Variants in ASAP1 observed in about 807,000 individuals in gnomAD.
ASAP1 encodes the protein ArfGAP with SH3 domain, ankyrin repeat and PH domain 1, also known as arf-GAP with SH3 domain, ANK repeat and PH domain-containing protein 1.
In ASAP1, 43 loss-of-function variants were observed where a neutral mutation model predicts 145.2. That is an observed-to-expected ratio of 0.30 (90% CI 0.23 to 0.38). The LOEUF (loss-of-function observed/expected upper bound fraction) is 0.38, where lower values mean the gene tolerates loss of function less well. Ranked by LOEUF, ASAP1 falls within the 10% of genes least tolerant of loss-of-function variation. The probability of loss-of-function intolerance (pLI) is 1.00; values close to 1 mark genes in which losing one functional copy is unlikely to be tolerated. For missense variants in ASAP1, 1,018 were observed against 1,355.3 expected (o/e 0.75, Z 3.91); for synonymous variants, 546 against 515.5 (o/e 1.06, Z -0.80).
At chr8:130,306,379 GCTC>G (rs1481940921) in intron 3 of ASAP1, among the ~76,000 whole-genome samples, 2 of 152,094 alleles carry the variant, frequency 1.3e-5, no homozygotes, top group Admixed American at 1.3e-4. Flanking sequence ...TGGATTAATA[GCTC>G]CTTTTTAAAT....
intron 2 of ASAP1, among the ~76,000 whole-genome samples, chr8:130,399,846 C>T (rs1177586101): frequency 8.8e-6 from 1 of 114,156 alleles, no homozygotes; most frequent in African/African-American, 3.9e-5. Context: ...GACAGAGTTT[C>T]GCTCTTGTTG....
intron 15 of ASAP1, among the ~76,000 whole-genome samples, chr8:130,133,343 CT>C (rs1445318523): frequency 6.6e-6 from 1 of 152,204 alleles, no homozygotes; most frequent in African/African-American, 2.4e-5. Flanking sequence ...GGTTGCATAC[CT>C]GGTCAGGTGA....
intron 15 of ASAP1, among the ~76,000 whole-genome samples, chr8:130,130,448 T>A (rs1311602936): frequency 6.6e-6 from 1 of 152,194 alleles, no homozygotes; most frequent in Non-Finnish European, 1.5e-5. Context: ...AAGGATAATT[T>A]TCTAGAGAAA....
At chr8:130,333,664 T>C (rs1230478292) in intron 3 of ASAP1, among the ~76,000 whole-genome samples, 3 of 152,198 alleles carry the variant, frequency 2.0e-5, no homozygotes, top group African/African-American at 7.2e-5. Context: ...TTTTTTAAAG[T>C]ATGGCAGGGC....
rs537482479 is a variant in ASAP1, at chr8:130,275,975, G to A, written c.187-38981C>T. 4.6e-5 allele frequency among the ~76,000 whole-genome samples: 7 copies of A among 152,200 alleles called. No individual in the cohort carries two copies. The East Asian group carries it at 9.6e-4, about 21-fold the overall frequency. On this transcript the variant is annotated intron_variant, in intron 3 of 29. Transcript: ENST00000518721. ...CTGATAATGACCGGACTTCATCAGCGGCTCCAAGAACAGATTCTATGACAG... is the reference window on the plus strand; with the variant it reads ...CTGATAATGACCGGACTTCATCAGCAGCTCCAAGAACAGATTCTATGACAG...
intron 15 of ASAP1, among the ~76,000 whole-genome samples, chr8:130,129,018 C>T (rs2097579341): frequency 6.6e-6 from 1 of 152,166 alleles, no homozygotes; most frequent in African/African-American, 2.4e-5. Flanking sequence ...GTGATTGGAT[C>T]AAGGTGGCGG....
intron 5 of ASAP1, among the ~76,000 whole-genome samples, chr8:130,214,048 G>T (rs142026769): frequency 2.0e-4 from 30 of 152,272 alleles, no homozygotes; most frequent in African/African-American, 7.2e-4. Flanking sequence ...TTCTTGGTTG[G>T]GGGTTAAAAG....
At position 130,115,618 on chromosome 8, in the gene ASAP1, T is replaced by A. The variant is rs2097554380; in HGVS notation, c.2172+10A>T. The A allele has an allele frequency of 3.1e-6, 5 of 1,602,978 alleles. No individual in the cohort carries two copies. The highest frequency in any genetic ancestry group is 1.3e-5 in the African/African-American group (1 of 74,670). ...GTTGTTGAGAATTCGAGGACATAATTTACACTCACTTTGTCATCCAGATCA... is the reference window on the plus strand; with the variant it reads ...GTTGTTGAGAATTCGAGGACATAATATACACTCACTTTGTCATCCAGATCA... On this transcript the variant is annotated intron_variant, in intron 23 of 29. Transcript: ENST00000518721.
intron 15 of ASAP1, among the ~76,000 whole-genome samples, chr8:130,128,385 G>C (rs567508465): frequency 1.3e-5 from 2 of 152,100 alleles, no homozygotes; most frequent in East Asian, 3.9e-4. Flanking sequence ...GAATATACAA[G>C]GAGACTGCAT....
intron 1 of ASAP1, among the ~76,000 whole-genome samples, 170 bp downstream of exon 1, chr8:130,443,290 C>T (rs1830556846): frequency 6.6e-6 from 1 of 151,816 alleles, no homozygotes; most frequent in Non-Finnish European, 1.5e-5. Flanking sequence ...CAGCCCAGGG[C>T]CGGCGCCCTC....
At chr8:130,056,308 T>C (rs533026443) in intron 29 of ASAP1, among the ~76,000 whole-genome samples, 17 of 152,322 alleles carry the variant, frequency 1.1e-4, no homozygotes, top group African/African-American at 4.1e-4. Flanking sequence ...ACAGGCTTCA[T>C]GCCAGGGGCT....
chr8:130,168,934 T>C lies in ASAP1; in HGVS notation c.822+58A>G, dbSNP rs1565043776. 1.1e-5 allele frequency: 11 copies of C among 1,038,948 alleles called. No homozygotes were observed. In the East Asian group the frequency reaches 2.4e-4, roughly 23 times the overall value. 64.4% of individuals were successfully genotyped at this position (1,038,948 alleles called of 1,614,324 possible). A position where few individuals can be genotyped will look rare whatever the true frequency, so the allele number is the denominator to read the frequency against. On this transcript the variant is annotated intron_variant, in intron 10 of 29. Coordinates refer to ENST00000518721, the MANE Select transcript of ASAP1 (RefSeq NM_018482.4). ...CACCTTTCTAATACAGATTTCAAAT[T>C]TACTGAAACTTATCCATGAAAGCAA... is the stretch of plus-strand genomic sequence containing the variant.
intron 5 of ASAP1, among the ~76,000 whole-genome samples, chr8:130,213,776 C>T (rs181916604): frequency 1.1e-4 from 17 of 152,282 alleles, no homozygotes; most frequent in South Asian, 2.1e-4. Flanking sequence ...TTTCATCCCC[C>T]AAAACCAACA....
chr8:130,313,644 G>T (rs1225092722), intron 3 of ASAP1, among the ~76,000 whole-genome samples: 1 of 152,260 alleles, frequency 6.6e-6, no homozygotes, highest in East Asian at 1.9e-4. Flanking sequence ...AAAAGCAGAC[G>T]TTTCAGCTAC....
At chr8:130,141,062 A>G (rs1488310150) in intron 13 of ASAP1, among the ~76,000 whole-genome samples, 1 of 152,248 alleles carries the variant, frequency 6.6e-6, no homozygotes, top group East Asian at 1.9e-4. Context: ...CTGGGATTTC[A>G]GCAGACTAAA....
intron 18 of ASAP1, among the ~76,000 whole-genome samples, chr8:130,122,479 CAATAAT>C (rs574060536): frequency 3.3e-5 from 5 of 152,132 alleles, no homozygotes; most frequent in Admixed American, 2.0e-4. Context: ...TACTACAGAC[CAATAAT>C]AATAATAACA....
At chr8:130,425,749 G>C (rs1829893365) in intron 1 of ASAP1, among the ~76,000 whole-genome samples, 1 of 152,180 alleles carries the variant, frequency 6.6e-6, no homozygotes, top group Admixed American at 6.5e-5. Flanking sequence ...CACTGGGCTA[G>C]GTTTTAAGGA....
chr8:130,343,634 G>A (rs1825525869), intron 3 of ASAP1, among the ~76,000 whole-genome samples: 1 of 152,206 alleles, frequency 6.6e-6, no homozygotes, highest in Non-Finnish European at 1.5e-5. Context: ...TGGCCTTTGA[G>A]CCTCTAACTC....
chr8:130,227,744 G>T (rs1817670052), intron 4 of ASAP1, among the ~76,000 whole-genome samples: 1 of 151,430 alleles, frequency 6.6e-6, no homozygotes, highest in Non-Finnish European at 1.5e-5. Context: ...CAATGTCAGG[G>T]GTTCCAAAAA....
Sources: gnomAD v4.1 joint callset for allele counts (sites outside exome capture counted in the v4.1 genomes callset) on GRCh38, gnomAD v4.1.1 for gene constraint, MANE v1.5 for transcripts, NCBI Gene and HGNC (gene_info 2026-07-23, HGNC 2026-07-21) for gene names.